Variants in PDE1A observed in about 807,000 individuals in gnomAD.
PDE1A encodes dual specificity calcium/calmodulin-dependent 3',5'-cyclic nucleotide phosphodiesterase 1A.
A neutral mutation model predicts 61.7 loss-of-function variants in PDE1A; 35 were observed. The observed-to-expected ratio is 0.57, with a 90% CI of 0.43 to 0.75. PDE1A has a LOEUF of 0.75. Ranked by LOEUF, PDE1A falls within the 30% of genes least tolerant of loss-of-function variation. The pLI is 0.00. For synonymous variants in PDE1A, 232 were observed against 213.2 expected (o/e 1.09, Z -0.77); for missense variants, 597 against 630.6 (o/e 0.95, Z 0.57).
Position 182,302,415 on chromosome 2 carries a change from G to T in PDE1A, c.54-38001C>A, listed in dbSNP as rs1470635845. Among the ~76,000 whole-genome samples the T allele has an allele frequency of 2.0e-5, 3 of 152,144 alleles. No individual in the cohort carries two copies. In the East Asian group the frequency reaches 5.8e-4, roughly 29 times the overall value. On this transcript the variant is annotated intron_variant, in intron 1 of 13. Coordinates refer to ENST00000351439, the Ensembl canonical transcript of PDE1A. ...CCCAGTACATATAAAAGTTATGTTT[G>T]TACTACACTGTAATCTCTTAAGTGT...
intron 2 of PDE1A, among the ~76,000 whole-genome samples, chr2:182,518,243 T>C (rs1667104290): frequency 6.6e-6 from 1 of 152,208 alleles, no homozygotes; most frequent in Non-Finnish European, 1.5e-5. Context: ...CTAATTTTTA[T>C]TTTAAATGTA....
chr2:182,689,120 G>A, the PDE1A span, among the ~76,000 whole-genome samples: 8 of 152,224 alleles, frequency 5.3e-5, no homozygotes, highest in Admixed American at 3.3e-4. Context: ...AGAGATCAGC[G>A]AGACAGAAAG....
At chr2:182,713,146 T>A in the PDE1A span, among the ~76,000 whole-genome samples, 2 of 152,310 alleles carry the variant, frequency 1.3e-5, no homozygotes, top group East Asian at 3.9e-4. Flanking sequence ...TATGTTAAAT[T>A]TCTTCCTTTT....
At chr2:182,367,041 G>C (rs1440969237) in intron 1 of PDE1A, among the ~76,000 whole-genome samples, 3 of 151,952 alleles carry the variant, frequency 2.0e-5, no homozygotes, top group Non-Finnish European at 4.4e-5. Flanking sequence ...AATTAACACT[G>C]ATCACTAATG....
chr2:182,223,047 G>A (rs899261532), intron 7 of PDE1A, among the ~76,000 whole-genome samples: 4 of 152,018 alleles, frequency 2.6e-5, no homozygotes, highest in African/African-American at 9.7e-5. Flanking sequence ...TTTGGAGACA[G>A]GGCTATTAAG....
chr2:182,258,147 G>T (rs76689456), intron 2 of PDE1A, among the ~76,000 whole-genome samples: 1 of 150,502 alleles, frequency 6.6e-6, no homozygotes, highest in Non-Finnish European at 1.5e-5. Context: ...CAGCCTAGGC[G>T]ACAGTATGAG....
chr2:182,671,578 A>G, the PDE1A span, among the ~76,000 whole-genome samples: 1 of 139,382 alleles, frequency 7.2e-6, no homozygotes, highest in Non-Finnish European at 1.6e-5. Flanking sequence ...TACTAGCATC[A>G]TTTGCAGCTT....
chr2:182,392,389 C>T (rs1045383422), intron 1 of PDE1A, among the ~76,000 whole-genome samples: 2 of 152,116 alleles, frequency 1.3e-5, no homozygotes, highest in African/African-American at 2.4e-5. Context: ...AATTACCTCC[C>T]ACCACGTCCC....
chr2:182,464,235 G>T (rs772452715), intron 2 of PDE1A, among the ~76,000 whole-genome samples: 1 of 152,094 alleles, frequency 6.6e-6, no homozygotes, highest in Admixed American at 6.6e-5. Flanking sequence ...TCAATGACAC[G>T]TGTTAAAGCA....
Position 182,457,038 on chromosome 2 carries a change from T to C in PDE1A, c.101+65238A>G, listed in dbSNP as rs138303691. 3.1e-3 allele frequency among the ~76,000 whole-genome samples: 467 copies of C among 152,174 alleles called. 3 individuals are homozygous for C. Among genetic ancestry groups the C allele is most frequent in the African/African-American group, 0.011 (446 of 41,548 alleles). On this transcript the variant is annotated intron_variant, in intron 2 of 14. Coordinates refer to the PDE1A transcript ENST00000410103. ...TTTCCTAACAGTAAGTATGAATGCCTTTGAGAACACTGAAAACCAGACAGT... is the reference window on the plus strand; with the variant it reads ...TTTCCTAACAGTAAGTATGAATGCCCTTGAGAACACTGAAAACCAGACAGT...
At chr2:182,377,402 A>G (rs1039202645) in intron 1 of PDE1A, among the ~76,000 whole-genome samples, 1 of 152,176 alleles carries the variant, frequency 6.6e-6, no homozygotes, top group African/African-American at 2.4e-5. Flanking sequence ...CCTCCTCAGA[A>G]GCAGATGTCA....
At chr2:182,547,122 A>C in the PDE1A span, among the ~76,000 whole-genome samples, 20 of 152,254 alleles carry the variant, frequency 1.3e-4, no homozygotes, top group African/African-American at 4.3e-4. Context: ...AATACATCTA[A>C]AAATAGGATT....
At chr2:182,650,858 G>GT in the PDE1A span, among the ~76,000 whole-genome samples, 2 of 152,136 alleles carry the variant, frequency 1.3e-5, no homozygotes, top group East Asian at 1.9e-4. Context: ...AAGATCTTGC[G>GT]TAAGAATTCT....
At chr2:182,381,761 G>A (rs551897908) in intron 1 of PDE1A, among the ~76,000 whole-genome samples, 5 of 151,996 alleles carry the variant, frequency 3.3e-5, no homozygotes, top group Non-Finnish European at 5.9e-5. Context: ...GCAGTGAGCC[G>A]AGATGACACC....
At chr2:182,657,347 C>A in the PDE1A span, among the ~76,000 whole-genome samples, 1 of 152,182 alleles carries the variant, frequency 6.6e-6, no homozygotes, top group Non-Finnish European at 1.5e-5. Flanking sequence ...CTACCTCTAC[C>A]AAATATTCCA....
chr2:182,289,977 G>A (rs113298293), intron 1 of PDE1A, among the ~76,000 whole-genome samples: 1 of 151,912 alleles, frequency 6.6e-6, no homozygotes, highest in Non-Finnish European at 1.5e-5. Context: ...AAACAAATTT[G>A]TTAAAGGTTA....
chr2:182,303,427 C>G (rs1695373175), intron 1 of PDE1A, among the ~76,000 whole-genome samples: 1 of 152,142 alleles, frequency 6.6e-6, no homozygotes, highest in South Asian at 2.1e-4. Context: ...TCTTGTTTTC[C>G]AAGCAATGGG....
intron 7 of PDE1A, among the ~76,000 whole-genome samples, chr2:182,212,196 T>TGA (rs140809374): frequency 0.37 from 44,923 of 121,054 alleles, 6,996 homozygotes; most frequent in East Asian, 0.47. Context: ...ACAATTAAAA[T>TGA]TATATATATT....
the PDE1A span, among the ~76,000 whole-genome samples, chr2:182,566,270 T>G: frequency 6.6e-6 from 1 of 152,136 alleles, no homozygotes; most frequent in Non-Finnish European, 1.5e-5. Context: ...AATCAATTCA[T>G]TTCCCATATC....
Sources: allele counts gnomAD v4.1 joint callset (sites outside exome capture counted in the v4.1 genomes callset), GRCh38; gene constraint gnomAD v4.1.1; transcripts MANE v1.5; gene names NCBI Gene and HGNC (gene_info 2026-07-23, HGNC 2026-07-21).